The following HHIPL2 variants were observed in gnomAD, a reference collection of about 807,000 sequenced individuals.
HHIPL2 encodes the protein HHIP like 2.
A neutral mutation model predicts 61.0 loss-of-function variants in HHIPL2; 61 were observed. The ratio of observed to expected loss-of-function variants is 1.00; its 90% CI spans 0.81 to 1.24. The LOEUF is 1.24. Among genes scored for constraint, HHIPL2 ranks in the 50% most tolerant of loss-of-function variants. The pLI, the probability that HHIPL2 is intolerant of heterozygous loss-of-function variation, is 0.00. For missense variants in HHIPL2, 885 were observed against 910.2 expected (o/e 0.97, Z 0.36); for synonymous variants, 343 against 357.4 (o/e 0.96, Z 0.45).
At chr1:222,528,620 A>G (rs563454978) in intron 6 of HHIPL2, among the ~76,000 whole-genome samples, 25 of 152,286 alleles carry the variant, frequency 1.6e-4, no homozygotes, top group Middle Eastern at 3.4e-3. Flanking sequence ...CAAAAAAAAA[A>G]AGAAAGTGTT....
chr1:222,526,646 G>A (rs181346859), intron 7 of HHIPL2, among the ~76,000 whole-genome samples: 21 of 149,086 alleles, frequency 1.4e-4, no homozygotes, highest in South Asian at 4.3e-4. Context: ...CGGAGGTCGC[G>A]GTGAGACAAG....
At chr1:222,526,119 C>G (rs1478148312) in intron 7 of HHIPL2, among the ~76,000 whole-genome samples, 4 of 152,282 alleles carry the variant, frequency 2.6e-5, no homozygotes, top group Non-Finnish European at 4.4e-5. Context: ...CCAACCACCT[C>G]TCAAGTGGGA....
In HHIPL2 at chr1:222,527,059, A is replaced by G; in HGVS notation, c.1724-9T>C. ...CAGGAAATACAGCTCCCCTAAGGCAACAAAAATAGACAGGCAATAATGGGA... is the reference window on the plus strand; with the variant it reads ...CAGGAAATACAGCTCCCCTAAGGCAGCAAAAATAGACAGGCAATAATGGGA... On this transcript the variant is annotated splice_polypyrimidine_tract_variant and intron_variant, in intron 6 of 8. Transcript: ENST00000343410. The G allele has an allele frequency of 3.1e-6, 5 of 1,603,704 alleles. No individual in the cohort carries two copies. The highest frequency in any genetic ancestry group is 4.3e-6 in the Non-Finnish European group (5 of 1,171,634).
In HHIPL2 at chr1:222,547,943, G is replaced by T; in HGVS notation, c.102C>A (p.Gly34=). The change falls in exon 1 of 9, where the codon GGC becomes GGA. Residue 34 remains glycine, a synonymous_variant. Transcript: ENST00000343410. ...GGTGTCCCTGCAGCAAGCCCACCTG[G>T]CCCAACAAGAATATGAGGCAGAGGC... The part of the protein sequence containing the change: ...ILCLCLIFLL[G]QVGLLQGHPQ... 1 of 1,613,024 alleles carries T rather than the reference G, an allele frequency of 6.2e-7. No individual in the cohort carries two copies. Among genetic ancestry groups the T allele is most frequent in the Non-Finnish European group, 8.5e-7 (1 of 1,179,242 alleles).
intron 7 of HHIPL2, among the ~76,000 whole-genome samples, chr1:222,524,477 T>C (rs573756093): frequency 6.6e-6 from 1 of 152,332 alleles, no homozygotes; most frequent in South Asian, 2.1e-4. Context: ...ACTTTGCAAA[T>C]ATTAACTCAT....
At chr1:222,545,871 A>C (rs1418243301) in intron 1 of HHIPL2, among the ~76,000 whole-genome samples, 2 of 151,710 alleles carry the variant, frequency 1.3e-5, no homozygotes, top group Non-Finnish European at 2.9e-5. Context: ...TCACTACTAA[A>C]AATAAAAAAA....
intron 3 of HHIPL2, 79 bp downstream of exon 3, chr1:222,541,933 G>T: frequency 6.9e-7 from 1 of 1,456,360 alleles, no homozygotes; most frequent in Non-Finnish European, 9.2e-7. Flanking sequence ...TGTGATTTGA[G>T]TTTGATGCCA....
chr1:222,529,835 G>A (rs1171903348), intron 6 of HHIPL2, among the ~76,000 whole-genome samples: 2 of 152,176 alleles, frequency 1.3e-5, no homozygotes, highest in African/African-American at 4.8e-5. Flanking sequence ...CCCAGGATGT[G>A]AAGTGCAGCC....
At position 222,543,549 on chromosome 1, in the gene HHIPL2, A is replaced by T; in HGVS notation, c.962T>A (p.Leu321Gln). ...VSRADPNKAD[L>Q]KSERVILEIE... ...GAGTACCTCTCACCTCTCTGATTTC[A>T]GGTCAGCTTTGTTAGGATCAGCCCG... The change falls in exon 2 of 9, where the codon CTG (leucine) becomes CAG (glutamine). Residue 321 changes from leucine to glutamine, a missense_variant. Leu to Gln is a moderately radical substitution (Grantham distance 113). Transcript: ENST00000343410. 1 of 1,611,252 alleles carries T rather than the reference A, an allele frequency of 6.2e-7. No individual in the cohort carries two copies. The highest frequency in any genetic ancestry group is 8.5e-7 in the Non-Finnish European group (1 of 1,178,090).
In HHIPL2 at chr1:222,532,093, C is replaced by T. The variant is rs756206530; in HGVS notation, c.1596G>A (p.Gln532=). The change falls in exon 6 of 9, where the codon CAG becomes CAA. Residue 532 remains glutamine, a synonymous_variant. Transcript: ENST00000343410. ...DFMSGRLMAL[Q]EDRKNKKWKK... Reference sequence around the variant, plus strand: ...TCCATTTCTTGTTTTTTCTATCTTCCTGCAAAGCCATAAGTCGACTAGACA... The same window carrying T: ...TCCATTTCTTGTTTTTTCTATCTTCTTGCAAAGCCATAAGTCGACTAGACA... The T allele has an allele frequency of 1.9e-6, 3 of 1,613,528 alleles. No homozygotes were observed. The highest frequency in any genetic ancestry group is 1.7e-6 in the Non-Finnish European group (2 of 1,179,706).
chr1:222,534,050 C>T (rs4846376), intron 5 of HHIPL2, among the ~76,000 whole-genome samples: 70,227 of 151,998 alleles, frequency 0.46, 17,110 homozygotes, highest in East Asian at 0.66. Flanking sequence ...AGCATAAGTA[C>T]CACAGGGTAT....
At chr1:222,532,332 G>A (rs1459934294) in intron 5 of HHIPL2, among the ~76,000 whole-genome samples, 1 of 152,150 alleles carries the variant, frequency 6.6e-6, no homozygotes, top group East Asian at 1.9e-4. Context: ...AAGGAGTTTG[G>A]ACGAGGCCCA....
At chr1:222,544,420 C>T (rs1453293426) in intron 1 of HHIPL2, among the ~76,000 whole-genome samples, 2 of 152,178 alleles carry the variant, frequency 1.3e-5, no homozygotes, top group African/African-American at 4.8e-5. Flanking sequence ...CTATCTCTAA[C>T]ATTTCAGCTT....
At chr1:222,537,589 A>ATG (rs1659328591) in intron 5 of HHIPL2, among the ~76,000 whole-genome samples, 1 of 149,564 alleles carries the variant, frequency 6.7e-6, no homozygotes. Context: ...CCGAGATCGC[A>ATG]CCACTGCACT....
At position 222,530,482 on chromosome 1, in the gene HHIPL2, AC is replaced by A. The variant is rs1440779993; in HGVS notation, c.1723+1483del. ...GACTTCCAATTTGGAACTCACATAGACTTTTTCCTGTTAAAATACTTGAAGT... is the reference window on the plus strand; with the variant it reads ...GACTTCCAATTTGGAACTCACATAGATTTTTCCTGTTAAAATACTTGAAGT... On this transcript the variant is annotated intron_variant, in intron 6 of 8. Coordinates refer to ENST00000343410, the MANE Select transcript of HHIPL2 (RefSeq NM_024746.4). 2.5e-4 allele frequency among the ~76,000 whole-genome samples: 38 copies of A among 152,324 alleles called. 1 individual carries two copies. Among genetic ancestry groups the A allele is most frequent in the African/African-American group, 9.1e-4 (38 of 41,578 alleles).
Position 222,540,214 on chromosome 1 carries a change from A to T in HHIPL2, c.1246T>A (p.Tyr416Asn). The change falls in exon 4 of 9, where the codon TAT becomes AAT. Residue 416 changes from tyrosine (Y) to asparagine (N), a missense_variant. Physicochemically the swap from Tyr to Asn is moderately radical, Grantham distance 143. Coordinates refer to ENST00000343410, the MANE Select transcript of HHIPL2 (RefSeq NM_024746.4). ...CAACGCCACATGTTCCTGATCCCATAGGCATAGATGGCGGGGTGGGCCCCT... is the reference window on the plus strand; with the variant it reads ...CAACGCCACATGTTCCTGATCCCATTGGCATAGATGGCGGGGTGGGCCCCT... Reference protein sequence around the residue: ...EPGAHPAIYAYGIRNMWRCAV... With the variant: ...EPGAHPAIYANGIRNMWRCAV... 2 of 1,614,254 alleles carry T rather than the reference A, an allele frequency of 1.2e-6. No homozygotes were observed. The highest frequency in any genetic ancestry group is 1.7e-6 in the Non-Finnish European group (2 of 1,180,042).
intron 5 of HHIPL2, among the ~76,000 whole-genome samples, chr1:222,537,892 G>A (rs967468481): frequency 6.6e-6 from 1 of 152,124 alleles, no homozygotes; most frequent in Non-Finnish European, 1.5e-5. Context: ...TCTCTACACT[G>A]AAGACTATAA....
chr1:222,544,225 A>T, intron 1 of HHIPL2, 36 bp from the exon 2 acceptor site: 1 of 1,540,050 alleles, frequency 6.5e-7, no homozygotes, highest in Non-Finnish European at 8.7e-7. Flanking sequence ...TCAGCATCAG[A>T]CCTGCCACAC....
chr1:222,527,113 G>A (rs1231370128), intron 6 of HHIPL2, 63 bp from the exon 7 acceptor site: 1 of 1,292,502 alleles, frequency 7.7e-7, no homozygotes, highest in Non-Finnish European at 1.1e-6. Context: ...CACAGAGTTG[G>A]ATGCACAGAA....
Sources: gnomAD v4.1 joint callset for allele counts (sites outside exome capture counted in the v4.1 genomes callset) on GRCh38, gnomAD v4.1.1 for gene constraint, MANE v1.5 for transcripts, NCBI Gene and HGNC (gene_info 2026-07-23, HGNC 2026-07-21) for gene names.